The following CNDP2 variants were observed in gnomAD, a reference collection of about 807,000 sequenced individuals.
CNDP2 encodes carnosine dipeptidase 2, also known as cytosolic non-specific dipeptidase.
CNDP2 carries 38 observed loss-of-function variants against 55.0 expected under a neutral mutation model. The ratio of observed to expected loss-of-function variants is 0.69; its 90% CI spans 0.53 to 0.90. The LOEUF (loss-of-function observed/expected upper bound fraction) is 0.90, where lower values mean the gene tolerates loss of function less well. CNDP2 is among the 40% of genes least tolerant of loss of function. CNDP2 has a pLI of 0.00. For missense variants in CNDP2, 607 were observed against 621.7 expected (o/e 0.98, Z 0.25); for synonymous variants, 241 against 260.2 (o/e 0.93, Z 0.71).
intron 5 of CNDP2, among the ~76,000 whole-genome samples, chr18:74,510,289 G>A (rs1033275348): frequency 4.6e-5 from 7 of 152,286 alleles, no homozygotes; most frequent in South Asian, 2.1e-4. Context: ...TTGGCAAATC[G>A]CCAGCTTCAC....
chr18:74,501,994 A>C (rs1026487009), intron 3 of CNDP2, among the ~76,000 whole-genome samples: 3 of 152,028 alleles, frequency 2.0e-5, no homozygotes, highest in South Asian at 2.1e-4. Flanking sequence ...CCCGGGTTCA[A>C]GCGATTCTCC....
In CNDP2 at chr18:74,505,906, G is replaced by T. The variant is rs771837186; in HGVS notation, c.262G>T (p.Asp88Tyr). 6.2e-7 allele frequency: 1 copy of T among 1,611,998 alleles called. No homozygotes were observed. Among genetic ancestry groups the T allele is most frequent in the Non-Finnish European group, 8.5e-7 (1 of 1,179,346 alleles). Residue 88 changes from aspartate to tyrosine, a missense_variant, in exon 4 of 12, where the codon GAC (aspartate) becomes TAC (tyrosine). Asp to Tyr is a radical substitution (Grantham distance 160, BLOSUM62 -3). Coordinates refer to ENST00000324262, the MANE Select transcript of CNDP2 (RefSeq NM_018235.3). ...TATTCTGCTCGGCAGGCTGGGCTCC[G>T]ACCCACAGAAGAAGACCGTGTGCAT... ...PPILLGRLGSDPQKKTVCIYG... is the reference protein window; with the variant it reads ...PPILLGRLGSYPQKKTVCIYG...
In CNDP2 at chr18:74,511,176, A is replaced by C. The variant is rs548298258; in HGVS notation, c.657+163A>C. 5.3e-5 allele frequency: 32 copies of C among 607,882 alleles called. No individual in the cohort carries two copies. The East Asian group carries it at 8.3e-4, about 16-fold the overall frequency. The allele number at this position is 607,882 out of a possible 1,614,324, so 37.7% of individuals were successfully genotyped here. On this transcript the variant is annotated intron_variant, in intron 6 of 11. Coordinates refer to ENST00000324262, the MANE Select transcript of CNDP2 (RefSeq NM_018235.3). ...CAGCTTCCATAAACCACCGTCCTAC[A>C]CCAGGGTGGACAGCAACACTTCCAG... is the stretch of plus-strand genomic sequence containing the variant.
In CNDP2 at chr18:74,513,693, G is replaced by T; in HGVS notation, c.877G>T (p.Ala293Ser). 1 of 1,614,016 alleles carries T rather than the reference G, an allele frequency of 6.2e-7. No individual in the cohort carries two copies. Among genetic ancestry groups the T allele is most frequent in the South Asian group, 1.1e-5 (1 of 91,080 alleles). ...AGAGGAGTTTGCCAAGGATGTGGGGGCGCAGATCCTCCTGCACAGCCACAA... is the reference window on the plus strand; with the variant it reads ...AGAGGAGTTTGCCAAGGATGTGGGGTCGCAGATCCTCCTGCACAGCCACAA... ...DIEEFAKDVGAQILLHSHKKD... is the reference protein window; with the variant it reads ...DIEEFAKDVGSQILLHSHKKD... The change falls in exon 8 of 12, where the codon GCG becomes TCG. Residue 293 changes from alanine (A) to serine (S), a missense_variant. Ala to Ser is a moderately conservative substitution (Grantham distance 99). Coordinates refer to ENST00000324262, the MANE Select transcript of CNDP2 (RefSeq NM_018235.3).
At chr18:74,519,120 G>A (rs371147514) in intron 11 of CNDP2, 24 bp downstream of exon 11, 11 of 1,587,026 alleles carry the variant, frequency 6.9e-6, no homozygotes, top group Non-Finnish European at 9.5e-6. Context: ...GTGCGGCCCA[G>A]GTTGGCGTCT....
intron 2 of CNDP2, 123 bp from the exon 3 acceptor site, chr18:74,501,206 A>G (rs1978674846): frequency 6.8e-7 from 1 of 1,463,746 alleles, no homozygotes; most frequent in South Asian, 1.4e-5. Context: ...TCCTATTTCC[A>G]ATCAGCCTGT....
At chr18:74,519,922 G>T in intron 11 of CNDP2, 77 bp from the exon 12 acceptor site, 2 of 1,334,084 alleles carry the variant, frequency 1.5e-6, no homozygotes, top group Non-Finnish European at 2.1e-6. Flanking sequence ...GTGTGTCTGG[G>T]CTCGGGAGGA....
chr18:74,516,546 A>G lies in CNDP2; in HGVS notation c.1068+154A>G, dbSNP rs1012147467. On this transcript the variant is annotated intron_variant, in intron 9 of 11. Coordinates refer to ENST00000324262, the MANE Select transcript of CNDP2 (RefSeq NM_018235.3). ...TCAGTAATTATGACAGTCACGGTTC[A>G]GAAGCTAATCAAAGATAATGCATCA... 1.5e-5 allele frequency: 11 copies of G among 754,464 alleles called. No homozygotes were observed. The Admixed American group carries it at 2.8e-4, about 19-fold the overall frequency. The allele number at this position is 754,464 out of a possible 1,614,324, so 46.7% of individuals were successfully genotyped here.
intron 11 of CNDP2, 127 bp from the exon 12 acceptor site, chr18:74,519,868 GCCCC>G (rs1979946944): frequency 1.4e-6 from 1 of 732,118 alleles, no homozygotes; most frequent in South Asian, 1.8e-5. Context: ...AGGGCTCAGG[GCCCC>G]CAAGCTGGGA....
In CNDP2 at chr18:74,516,380, C is replaced by A. The variant is rs140794493; in HGVS notation, c.1056C>A (p.Val352=). ...TCGTGCCGAACATGACTCCTGAAGT[C>A]GTCGGCGAGCAGGCATGTGGGGCTG... ...IRLVPNMTPE[V]VGEQVTSYLT... The change falls in exon 9 of 12, where the codon GTC becomes GTA. Residue 352 remains valine, a synonymous_variant. Transcript: ENST00000324262. 6.2e-7 allele frequency: 1 copy of A among 1,609,928 alleles called. No homozygotes were observed. Among genetic ancestry groups the A allele is most frequent in the South Asian group, 1.1e-5 (1 of 90,644 alleles).
intron 8 of CNDP2, among the ~76,000 whole-genome samples, chr18:74,515,145 G>C (rs1190618907): frequency 1.3e-5 from 2 of 152,324 alleles, no homozygotes; most frequent in East Asian, 3.9e-4. Flanking sequence ...TGATGGCCTG[G>C]GCGCTGCTGT....
intron 8 of CNDP2, among the ~76,000 whole-genome samples, chr18:74,514,701 A>G (rs1979569005): frequency 6.6e-6 from 1 of 152,140 alleles, no homozygotes; most frequent in African/African-American, 2.4e-5. Context: ...TTTATGTGGT[A>G]TGGATGTAAG....
chr18:74,500,828 A>G (rs1305050186), intron 2 of CNDP2, among the ~76,000 whole-genome samples: 1 of 152,228 alleles, frequency 6.6e-6, no homozygotes. Context: ...AAGATTTCAC[A>G]TGAAAGGGTC....
chr18:74,515,253 A>C (rs1434035528), intron 8 of CNDP2, among the ~76,000 whole-genome samples: 1 of 152,124 alleles, frequency 6.6e-6, no homozygotes, highest in East Asian at 1.9e-4. Flanking sequence ...GTCAGAGCTG[A>C]GTCGGTGGAG....
At chr18:74,501,948 C>T (rs888925133) in intron 3 of CNDP2, among the ~76,000 whole-genome samples, 1 of 152,066 alleles carries the variant, frequency 6.6e-6, no homozygotes, top group African/African-American at 2.4e-5. Flanking sequence ...GGCTGGAGTG[C>T]AGTGGCGTGA....
At position 74,521,803 on chromosome 18, in the gene CNDP2, A is replaced by G. The variant is rs886786306; in HGVS notation, c.*1735A>G. 2.0e-5 allele frequency: 3 copies of G among 152,268 alleles called. No individual in the cohort carries two copies. The highest frequency in any genetic ancestry group is 2.1e-4 in the South Asian group (1 of 4,832). 9.4% of individuals were successfully genotyped at this position (152,268 alleles called of 1,614,324 possible). On this transcript the variant is annotated 3_prime_UTR_variant, in exon 12 of 12. Transcript: ENST00000324262. ...AGGTGAGACCCCTGACACACTCTCA[A>G]ATTGGTAGGCAAAGGTTTAAAGAAC...
Position 74,505,886 on chromosome 18 carries a change from T to C in CNDP2, c.242T>C (p.Leu81Pro). Residue 81 changes from leucine (L) to proline (P), a missense_variant, in exon 4 of 12, where the codon CTG becomes CCG. Coordinates refer to ENST00000324262, the MANE Select transcript of CNDP2 (RefSeq NM_018235.3). The stretch of plus-strand genomic sequence containing the variant: ...TCGGAGATCCCGCTCCCTCCTATTC[T>C]GCTCGGCAGGCTGGGCTCCGACCCA... ...DGSEIPLPPI[L>P]LGRLGSDPQK... 6.2e-7 allele frequency: 1 copy of C among 1,611,350 alleles called. No individual in the cohort carries two copies. The highest frequency in any genetic ancestry group is 8.5e-7 in the Non-Finnish European group (1 of 1,179,174).
intron 1 of CNDP2, among the ~76,000 whole-genome samples, chr18:74,498,196 A>G (rs913431979): frequency 1.3e-5 from 2 of 152,134 alleles, no homozygotes; most frequent in Non-Finnish European, 2.9e-5. Context: ...TTGTTAGGCG[A>G]TTCGTTGTTG....
chr18:74,500,133 CAGGGTT>C, intron 2 of CNDP2, 100 bp downstream of exon 2: 1 of 1,000,588 alleles, frequency 1.0e-6, no homozygotes, highest in Non-Finnish European at 1.5e-6. Flanking sequence ...CATTTAAATC[CAGGGTT>C]AGAAGATCTG....
Sources: gnomAD v4.1 joint callset for allele counts (sites outside exome capture counted in the v4.1 genomes callset) on GRCh38, gnomAD v4.1.1 for gene constraint, MANE v1.5 for transcripts, NCBI Gene and HGNC (gene_info 2026-07-23, HGNC 2026-07-21) for gene names.